Variants in SLC7A11 observed in about 807,000 individuals in gnomAD.
SLC7A11 encodes the protein solute carrier family 7 member 11.
In SLC7A11, 35 loss-of-function variants were observed where a neutral mutation model predicts 54.5. The observed-to-expected ratio is 0.64, with a 90% CI of 0.49 to 0.85. The LOEUF (loss-of-function observed/expected upper bound fraction) is 0.85. Ranked by LOEUF, SLC7A11 falls within the 40% of genes least tolerant of loss-of-function variation. The probability of loss-of-function intolerance (pLI) is 0.00; values close to 1 mark genes in which losing one functional copy is unlikely to be tolerated. For missense variants in SLC7A11, 583 were observed against 618.1 expected (o/e 0.94, Z 0.60); for synonymous variants, 230 against 225.2 (o/e 1.02, Z -0.19).
chr4:138,186,525 C>T (rs1736884969), intron 6 of SLC7A11, among the ~76,000 whole-genome samples: 1 of 152,104 alleles, frequency 6.6e-6, no homozygotes, highest in Non-Finnish European at 1.5e-5. Context: ...ATTCCCAAAG[C>T]CTTCAGCCTT....
chr4:138,185,509 G>A (rs533396043), intron 6 of SLC7A11, among the ~76,000 whole-genome samples: 24 of 152,194 alleles, frequency 1.6e-4, no homozygotes, highest in African/African-American at 5.3e-4. Flanking sequence ...CATGTACTCC[G>A]TAAATGCTAC....
At chr4:138,172,708 G>C (rs1022151867) in intron 11 of SLC7A11, among the ~76,000 whole-genome samples, 7 of 152,214 alleles carry the variant, frequency 4.6e-5, no homozygotes, top group African/African-American at 1.7e-4. Flanking sequence ...GCTGGCTCCA[G>C]TGTTCAGAAG....
intron 11 of SLC7A11, chr4:138,177,297 T>C (rs1211820902): frequency 6.6e-6 from 1 of 152,124 alleles, no homozygotes; most frequent in Non-Finnish European, 1.5e-5. Flanking sequence ...AAATTAATTA[T>C]GGTAAAGTAA....
chr4:138,189,166 G>A lies in SLC7A11; in HGVS notation c.792-3922C>T, dbSNP rs1736948601. On this transcript the variant is annotated intron_variant, in intron 6 of 11. Transcript: ENST00000280612. ...GTGCTTAGAAGCATTTTTGTTCCGA[G>A]TGATAGGCCTCCCCAGAAATGAAAA... Among the ~76,000 whole-genome samples, 3 of 152,256 alleles carry A rather than the reference G, an allele frequency of 2.0e-5. 1 individual carries two copies. In the South Asian group the frequency reaches 6.2e-4, roughly 32 times the overall value.
intron 6 of SLC7A11, among the ~76,000 whole-genome samples, chr4:138,195,759 A>C (rs2148423082): frequency 6.6e-6 from 1 of 152,278 alleles, no homozygotes; most frequent in Non-Finnish European, 1.5e-5. Context: ...CACCAATTCC[A>C]TAAAAATATT....
chr4:138,190,913 C>T (rs1390861238), intron 6 of SLC7A11, among the ~76,000 whole-genome samples: 5 of 152,084 alleles, frequency 3.3e-5, no homozygotes, highest in African/African-American at 4.8e-5. Context: ...TGTAGAAGAA[C>T]ACACATTTCT....
intron 6 of SLC7A11, among the ~76,000 whole-genome samples, chr4:138,210,797 G>A (rs977916323): frequency 3.9e-5 from 6 of 152,176 alleles, no homozygotes; most frequent in South Asian, 4.1e-4. Context: ...ACTGTTGGTG[G>A]GAATGTAAAT....
At chr4:138,191,329 C>G (rs1281677152) in intron 6 of SLC7A11, among the ~76,000 whole-genome samples, 2 of 152,130 alleles carry the variant, frequency 1.3e-5, no homozygotes, top group Non-Finnish European at 2.9e-5. Context: ...TTTTAAATTT[C>G]AATACCACTG....
intron 6 of SLC7A11, among the ~76,000 whole-genome samples, chr4:138,207,715 A>G (rs887678821): frequency 6.6e-6 from 1 of 152,160 alleles, no homozygotes; most frequent in African/African-American, 2.4e-5. Context: ...CTCAAAAAAT[A>G]AAAGGAGAAA....
chr4:138,223,248 G>C lies in SLC7A11; in HGVS notation c.597C>G (p.Leu199=), dbSNP rs200210449. ...RIQIFLTFCK[L]TAILIIIVPG... is the part of the protein sequence containing the mutation. The stretch of plus-strand genomic sequence containing the variant: ...GGACTATAATTATCAGAATTGCTGT[G>C]AGCTTGCAAAAGGTTAAGAAAATCT... The change falls in exon 4 of 12, where the codon CTC becomes CTG. Residue 199 remains leucine (L), a synonymous_variant. Coordinates refer to ENST00000280612, the MANE Select transcript of SLC7A11 (RefSeq NM_014331.4). 1 of 1,613,654 alleles carries C rather than the reference G, an allele frequency of 6.2e-7. No individual in the cohort carries two copies. The highest frequency in any genetic ancestry group is 2.2e-5 in the East Asian group (1 of 44,872).
chr4:138,237,566 T>G (rs1738242616), intron 1 of SLC7A11, among the ~76,000 whole-genome samples: 1 of 148,542 alleles, frequency 6.7e-6, no homozygotes, highest in Non-Finnish European at 1.5e-5. Flanking sequence ...TCTGGCTAAT[T>G]TTCATATTTT....
intron 4 of SLC7A11, among the ~76,000 whole-genome samples, chr4:138,219,906 A>C (rs565370105): frequency 4.3e-4 from 65 of 151,302 alleles, no homozygotes; most frequent in African/African-American, 1.5e-3. Context: ...GAAAATCCTG[A>C]AGACCATGTG....
chr4:138,174,637 T>C (rs2148407208), intron 11 of SLC7A11: 1 of 152,318 alleles, frequency 6.6e-6, no homozygotes, highest in East Asian at 1.9e-4. Flanking sequence ...AGCTTCCTGC[T>C]TGCCGGGGAA....
intron 6 of SLC7A11, among the ~76,000 whole-genome samples, chr4:138,187,911 A>T (rs1736916147): frequency 6.6e-6 from 1 of 152,150 alleles, no homozygotes; most frequent in South Asian, 2.1e-4. Context: ...AGATAAACAG[A>T]AACAGACTAA....
chr4:138,182,498 C>G (rs2148413361), intron 8 of SLC7A11, 105 bp from the exon 9 acceptor site: 1 of 685,500 alleles, frequency 1.5e-6, no homozygotes, highest in South Asian at 1.7e-5. Flanking sequence ...ACCAAATGGT[C>G]AGGTATTCCT....
intron 6 of SLC7A11, among the ~76,000 whole-genome samples, chr4:138,187,865 T>G (rs1237565109): frequency 6.6e-6 from 1 of 152,114 alleles, no homozygotes; most frequent in Non-Finnish European, 1.5e-5. Flanking sequence ...AAAAAAACTT[T>G]TTTTTATAGA....
intron 6 of SLC7A11, among the ~76,000 whole-genome samples, chr4:138,209,452 G>A (rs1737488375): frequency 6.6e-6 from 1 of 151,930 alleles, no homozygotes. Context: ...TCTGGGCTAA[G>A]TCCACATAAT....
intron 1 of SLC7A11, among the ~76,000 whole-genome samples, chr4:138,241,045 G>C (rs1347941491): frequency 2.6e-5 from 4 of 152,088 alleles, no homozygotes; most frequent in African/African-American, 9.7e-5. Flanking sequence ...TGTGTCCCTG[G>C]AGAACAAGTG....
At chr4:138,225,171 T>TATAA (rs1491164718) in intron 3 of SLC7A11, among the ~76,000 whole-genome samples, 1 of 131,490 alleles carries the variant, frequency 7.6e-6, no homozygotes, top group African/African-American at 2.8e-5. Context: ...TATATATATA[T>TATAA]AAATAAAATC....
Sources: gnomAD v4.1 joint callset for allele counts (sites outside exome capture counted in the v4.1 genomes callset) on GRCh38, gnomAD v4.1.1 for gene constraint, MANE v1.5 for transcripts, NCBI Gene and HGNC (gene_info 2026-07-23, HGNC 2026-07-21) for gene names.